TRIM51G: variants seen among roughly 807,000 people sequenced by gnomAD.
The protein encoded by TRIM51G is tripartite motif-containing protein 51G.
the TRIM51G span, among the ~76,000 whole-genome samples, chr11:48,980,483 C>A: frequency 2.0e-5 from 3 of 152,124 alleles, no homozygotes; most frequent in Non-Finnish European, 2.9e-5. Flanking sequence ...GCTCCTTCTG[C>A]CTGAAATGTA....
At chr11:48,975,774 A>G in the TRIM51G span, 1 of 1,564,342 alleles carries the variant, frequency 6.4e-7, no homozygotes, top group South Asian at 1.1e-5. Context: ...TCTCTTTCCA[A>G]TAATTGTTAC....
the TRIM51G span, among the ~76,000 whole-genome samples, chr11:48,976,562 A>C: frequency 6.6e-6 from 1 of 152,162 alleles, no homozygotes; most frequent in South Asian, 2.1e-4. Context: ...TTCATGTTGT[A>C]ACTAAACTGA....
chr11:48,976,233 G>A, the TRIM51G span, among the ~76,000 whole-genome samples: 2 of 152,070 alleles, frequency 1.3e-5, no homozygotes, highest in Non-Finnish European at 2.9e-5. Context: ...AAAACTGAGA[G>A]TCGAATAAAA....
At chr11:48,981,318 G>T in the TRIM51G span, 1 of 1,606,332 alleles carries the variant, frequency 6.2e-7, no homozygotes, top group African/African-American at 1.3e-5. Context: ...CAGTGGGACA[G>T]TGTCTGTGAT....
chr11:48,975,673 G>C, the TRIM51G span: 3 of 1,460,952 alleles, frequency 2.1e-6, no homozygotes, highest in African/African-American at 4.2e-5. Context: ...TACAAGTGGG[G>C]AGGTGGTAAA....
At chr11:48,981,290 G>T in the TRIM51G span, 149 of 1,605,108 alleles carry the variant, frequency 9.3e-5, 1 homozygote, top group Admixed American at 2.2e-4. Context: ...CTTACCCGGC[G>T]TTCCTCAGCA....
chr11:48,976,969 A>T, the TRIM51G span: 4 of 590,962 alleles, frequency 6.8e-6, no homozygotes, highest in South Asian at 6.6e-5. Flanking sequence ...GTATCGTCAT[A>T]TGGTTCACTT....
At chr11:48,981,720 T>C in the TRIM51G span, 67 of 1,595,556 alleles carry the variant, frequency 4.2e-5, no homozygotes, top group South Asian at 7.2e-4. Flanking sequence ...AAGAGCAGCA[T>C]GTCATTTTGG....
the TRIM51G span, among the ~76,000 whole-genome samples, chr11:48,980,261 C>A: frequency 6.6e-6 from 1 of 152,094 alleles, no homozygotes; most frequent in East Asian, 1.9e-4. Context: ...ATATAAACAT[C>A]CACAAAGAGA....
At chr11:48,976,886 T>C in the TRIM51G span, among the ~76,000 whole-genome samples, 6 of 151,804 alleles carry the variant, frequency 4.0e-5, no homozygotes, top group Non-Finnish European at 8.9e-5. Flanking sequence ...CCAGAATATA[T>C]TTGTTTTTCA....
the TRIM51G span, chr11:48,975,813 C>A: frequency 6.8e-7 from 1 of 1,477,952 alleles, no homozygotes; most frequent in South Asian, 1.1e-5. Flanking sequence ...TCCAAGAGTG[C>A]CCCATGTTAA....
At chr11:48,981,170 A>C in the TRIM51G span, 2 of 1,483,820 alleles carry the variant, frequency 1.3e-6, no homozygotes, top group Non-Finnish European at 9.2e-7. Flanking sequence ...AAGGAAGCTC[A>C]TAACAGACAT....
At chr11:48,983,745 G>T in the TRIM51G span, among the ~76,000 whole-genome samples, 1 of 151,932 alleles carries the variant, frequency 6.6e-6, no homozygotes, top group Non-Finnish European at 1.5e-5. Context: ...TCACCCCAAG[G>T]TTCTATGAAT....
the TRIM51G span, chr11:48,977,273 C>T: frequency 1.6e-6 from 1 of 641,172 alleles, no homozygotes; most frequent in South Asian, 1.6e-5. Context: ...CATGAGAATC[C>T]CTTTAACCCA....
the TRIM51G span, chr11:48,981,829 G>C: frequency 1.0e-6 from 1 of 1,001,400 alleles, no homozygotes; most frequent in South Asian, 1.5e-5. Context: ...TATTTCCTCT[G>C]TAACAAAAAT....
chr11:48,981,729 G>T, the TRIM51G span: 1 of 1,587,186 alleles, frequency 6.3e-7, no homozygotes, highest in East Asian at 2.2e-5. Flanking sequence ...ATGTCATTTT[G>T]GGTTCTGGGT....
At chr11:48,977,189 G>A in the TRIM51G span, 1 of 1,210,370 alleles carries the variant, frequency 8.3e-7, no homozygotes, top group South Asian at 1.2e-5. Context: ...ATACCTGCAA[G>A]GAGAAAGATA....
At chr11:48,980,188 C>T in the TRIM51G span, among the ~76,000 whole-genome samples, 1 of 151,924 alleles carries the variant, frequency 6.6e-6, no homozygotes, top group Admixed American at 6.6e-5. Context: ...TAGGTACTCA[C>T]AAAATATCTT....
At chr11:48,980,455 C>T in the TRIM51G span, among the ~76,000 whole-genome samples, 3 of 152,082 alleles carry the variant, frequency 2.0e-5, no homozygotes, top group Non-Finnish European at 2.9e-5. Context: ...TTCATGCTTT[C>T]CCTAAGGTTG....
Sources: allele counts gnomAD v4.1 joint callset (sites outside exome capture counted in the v4.1 genomes callset), GRCh38; gene constraint gnomAD v4.1.1; transcripts MANE v1.5; gene names NCBI Gene and HGNC (gene_info 2026-07-23, HGNC 2026-07-21).